Variants in ERC1 observed in about 807,000 individuals in gnomAD.
ERC1 encodes the protein ELKS/RAB6-interacting/CAST family member 1.
A neutral mutation model predicts 132.0 loss-of-function variants in ERC1; 56 were observed. The ratio of observed to expected loss-of-function variants is 0.42; its 90% CI spans 0.34 to 0.53. The LOEUF is 0.53. ERC1 is among the 20% of genes least tolerant of loss of function. ERC1 has a pLI of 0.03. For missense variants in ERC1, 1,202 were observed against 1,349.9 expected (o/e 0.89, Z 1.72); for synonymous variants, 478 against 476.1 (o/e 1.00, Z -0.05).
chr12:1,376,403 CCA>C (rs1307985216), intron 16 of ERC1, among the ~76,000 whole-genome samples: 6 of 123,020 alleles, frequency 4.9e-5, no homozygotes, highest in African/African-American at 2.3e-4. Flanking sequence ...CTGTGATTTT[CCA>C]CATGTTACCT....
At chr12:1,362,946 A>G (rs559048699) in intron 15 of ERC1, among the ~76,000 whole-genome samples, 22 of 152,342 alleles carry the variant, frequency 1.4e-4, no homozygotes, top group African/African-American at 5.0e-4. Flanking sequence ...TTCCTCATTC[A>G]GAAGATTTTA....
intron 12 of ERC1, among the ~76,000 whole-genome samples, chr12:1,216,658 A>G (rs1958456295): frequency 6.6e-6 from 1 of 151,052 alleles, no homozygotes; most frequent in Admixed American, 6.6e-5. Context: ...GATATGTACA[A>G]AAACACTTTT....
chr12:1,448,963 G>A (rs1009973947), intron 18 of ERC1, among the ~76,000 whole-genome samples: 12 of 152,244 alleles, frequency 7.9e-5, no homozygotes, highest in African/African-American at 2.7e-4. Context: ...GGGCAGAGCT[G>A]CCCACGGCCC....
intron 11 of ERC1, among the ~76,000 whole-genome samples, chr12:1,185,736 T>G (rs1474410248): frequency 2.6e-5 from 4 of 151,938 alleles, no homozygotes; most frequent in Non-Finnish European, 4.4e-5. Flanking sequence ...AGGTTGTTTT[T>G]TTTTTTTTTT....
chr12:1,113,163 A>G (rs1946075380), intron 6 of ERC1, among the ~76,000 whole-genome samples: 1 of 152,230 alleles, frequency 6.6e-6, no homozygotes, highest in Admixed American at 6.5e-5. Context: ...CAAATTCTAC[A>G]TCATTTTATA....
intron 17 of ERC1, among the ~76,000 whole-genome samples, chr12:1,413,607 G>GT (rs1398603353): frequency 6.6e-6 from 1 of 150,678 alleles, no homozygotes; most frequent in Non-Finnish European, 1.5e-5. Context: ...AAAAGAAAAG[G>GT]TAAAAAAAAA....
intron 16 of ERC1, among the ~76,000 whole-genome samples, chr12:1,373,614 C>T (rs1005316885): frequency 2.6e-5 from 4 of 152,042 alleles, no homozygotes; most frequent in Non-Finnish European, 4.4e-5. Context: ...ACCCCGTCTC[C>T]ACTAAAAATA....
chr12:1,272,926 T>G (rs2077968817), intron 14 of ERC1, among the ~76,000 whole-genome samples: 1 of 130,822 alleles, frequency 7.6e-6, no homozygotes, highest in African/African-American at 3.1e-5. Flanking sequence ...CTAGCCTCAG[T>G]GATAGAGTGA....
intron 2 of ERC1, among the ~76,000 whole-genome samples, chr12:1,078,967 A>G (rs911051419): frequency 2.1e-4 from 32 of 151,726 alleles, no homozygotes; most frequent in Middle Eastern, 3.6e-3. Context: ...GACAAAAGTC[A>G]ATATACAAAG....
chr12:1,205,081 T>G (rs183862121), intron 12 of ERC1, among the ~76,000 whole-genome samples: 11 of 152,328 alleles, frequency 7.2e-5, no homozygotes, highest in African/African-American at 2.6e-4. Flanking sequence ...GAACATATTT[T>G]GTTTCAGTTG....
At chr12:1,182,765 G>T (rs903904233) in intron 10 of ERC1, among the ~76,000 whole-genome samples, 1 of 151,940 alleles carries the variant, frequency 6.6e-6, no homozygotes, top group Admixed American at 6.6e-5. Flanking sequence ...GGGCCCAAGG[G>T]ATCTTCCTAT....
At chr12:1,289,132 T>C (rs867203253) in intron 14 of ERC1, among the ~76,000 whole-genome samples, 30 of 134,106 alleles carry the variant, frequency 2.2e-4, no homozygotes, top group South Asian at 7.8e-4. Flanking sequence ...CACACACACA[T>C]AACTATATAG....
intron 13 of ERC1, among the ~76,000 whole-genome samples, chr12:1,260,791 A>G (rs2077094662): frequency 6.6e-6 from 1 of 152,246 alleles, no homozygotes; most frequent in Admixed American, 6.5e-5. Context: ...AAATGCTTCC[A>G]TACTTAGCTT....
chr12:1,417,550 C>T (rs2092177733), intron 17 of ERC1, among the ~76,000 whole-genome samples: 2 of 151,822 alleles, frequency 1.3e-5, no homozygotes, highest in Non-Finnish European at 2.9e-5. Context: ...GAGACCCAGG[C>T]GGGCAGATCA....
At chr12:1,440,533 A>G (rs2093107841) in intron 17 of ERC1, among the ~76,000 whole-genome samples, 3 of 139,646 alleles carry the variant, frequency 2.1e-5, no homozygotes, top group Admixed American at 7.3e-5. Flanking sequence ...ATAGAGACAG[A>G]GTCTTGCTAT....
At chr12:1,010,143 G>C in intron 1 of ERC1, among the ~76,000 whole-genome samples, 1 of 152,262 alleles carries the variant, frequency 6.6e-6, no homozygotes. Context: ...TCAGAGAAGC[G>C]TGGTAACCGA....
At chr12:1,020,721 TGAGA>T (rs1254097874) in intron 1 of ERC1, 3 of 152,168 alleles carry the variant, frequency 2.0e-5, no homozygotes, top group Non-Finnish European at 4.4e-5. Context: ...GCTGGATTCC[TGAGA>T]GAGAGTGATT....
intron 14 of ERC1, among the ~76,000 whole-genome samples, chr12:1,288,577 CTT>C (rs1392847451): frequency 1.3e-5 from 2 of 152,202 alleles, no homozygotes; most frequent in African/African-American, 4.8e-5. Flanking sequence ...AACGTGGAAA[CTT>C]TGTTTAGGTA....
intron 1 of ERC1, among the ~76,000 whole-genome samples, chr12:1,014,021 A>ATTTTT (rs55805313): frequency 6.8e-6 from 1 of 147,508 alleles, no homozygotes; most frequent in East Asian, 2.0e-4. Context: ...GTGCCTGGTG[A>ATTTTT]TTTTTTTTTT....
Sources: gnomAD v4.1 joint callset for allele counts (sites outside exome capture counted in the v4.1 genomes callset) on GRCh38, gnomAD v4.1.1 for gene constraint, MANE v1.5 for transcripts, NCBI Gene and HGNC (gene_info 2026-07-23, HGNC 2026-07-21) for gene names.